The following KCNH7 variants were observed in gnomAD, a reference collection of about 807,000 sequenced individuals.
The protein encoded by KCNH7 is potassium voltage-gated channel subfamily H member 7.
In KCNH7, 49 loss-of-function variants were observed where a neutral mutation model predicts 120.8. The observed-to-expected ratio is 0.41, with a 90% CI of 0.32 to 0.51. The LOEUF is 0.51. Ranked by LOEUF, KCNH7 falls within the 20% of genes least tolerant of loss-of-function variation. The pLI, the probability that KCNH7 is intolerant of heterozygous loss-of-function variation, is 0.38. For missense variants in KCNH7, 1,097 were observed against 1,446.6 expected (o/e 0.76, Z 3.92); for synonymous variants, 547 against 516.1 (o/e 1.06, Z -0.81).
chr2:162,598,725 T>C (rs1454957641), intron 2 of KCNH7, among the ~76,000 whole-genome samples: 2 of 152,158 alleles, frequency 1.3e-5, no homozygotes, highest in African/African-American at 4.8e-5. Flanking sequence ...AAGTTCTTTC[T>C]AGCATTAAAG....
intron 2 of KCNH7, among the ~76,000 whole-genome samples, chr2:162,631,362 G>C (rs553434474): frequency 2.6e-5 from 4 of 152,026 alleles, no homozygotes; most frequent in South Asian, 4.1e-4. Context: ...TTTTTGATTA[G>C]AGCAGATCTC....
chr2:162,518,578 G>A (rs1382009832), intron 3 of KCNH7, among the ~76,000 whole-genome samples: 2 of 151,780 alleles, frequency 1.3e-5, no homozygotes, highest in African/African-American at 4.8e-5. Flanking sequence ...ACATGTATGG[G>A]TGATGGGGAG....
intron 12 of KCNH7, among the ~76,000 whole-genome samples, chr2:162,386,670 T>C (rs1448592498): frequency 1.3e-5 from 2 of 151,874 alleles, no homozygotes; most frequent in African/African-American, 2.4e-5. Context: ...GAATTAACCA[T>C]TAATTCATGT....
Position 162,643,317 on chromosome 2 carries a change from AAAAC to A in KCNH7, c.308-106241_308-106238del, listed in dbSNP as rs955305598. On this transcript the variant is annotated intron_variant, in intron 2 of 15. Coordinates refer to ENST00000332142, the MANE Select transcript of KCNH7 (RefSeq NM_033272.4). The stretch of plus-strand genomic sequence containing the variant: ...AGGAATTTATCAGAACCTATTTGCA[AAAAC>A]AAACAAACAAAAAAGCAAAAACAAA... Among the ~76,000 whole-genome samples, 305 of 152,226 alleles carry A rather than the reference AAAAC, an allele frequency of 2.0e-3. 3 individuals carry two copies. The highest frequency in any genetic ancestry group is 6.9e-3 in the African/African-American group (287 of 41,536).
intron 2 of KCNH7, among the ~76,000 whole-genome samples, chr2:162,652,750 T>C (rs973183825): frequency 1.3e-5 from 2 of 152,166 alleles, no homozygotes; most frequent in Admixed American, 6.5e-5. Context: ...TGTACAGTAA[T>C]AGTGCACTTT....
chr2:162,490,957 T>G (rs1032925273), intron 6 of KCNH7, among the ~76,000 whole-genome samples: 2 of 152,200 alleles, frequency 1.3e-5, no homozygotes, highest in African/African-American at 2.4e-5. Context: ...AGGTATGCAC[T>G]CCCTGCTCCA....
At position 162,578,184 on chromosome 2, in the gene KCNH7, G is replaced by A. The variant is rs150984487; in HGVS notation, c.308-41104C>T. On this transcript the variant is annotated intron_variant, in intron 2 of 15. Coordinates refer to ENST00000332142, the MANE Select transcript of KCNH7 (RefSeq NM_033272.4). ...TGTTTCTAATGTGAGAGAGACAGTGGGTCCTTCAACGCTAGCTGAGACAAT... is the reference window on the plus strand; with the variant it reads ...TGTTTCTAATGTGAGAGAGACAGTGAGTCCTTCAACGCTAGCTGAGACAAT... 7.7e-3 allele frequency among the ~76,000 whole-genome samples: 1,167 copies of A among 152,070 alleles called. 16 individuals are homozygous for A. The highest frequency in any genetic ancestry group is 0.027 in the African/African-American group (1,102 of 41,494).
intron 6 of KCNH7, among the ~76,000 whole-genome samples, chr2:162,478,110 A>G (rs1350611633): frequency 2.0e-5 from 3 of 152,228 alleles, no homozygotes; most frequent in Non-Finnish European, 4.4e-5. Context: ...GAAATGGGCT[A>G]GGTACAGTGG....
chr2:162,760,820 T>C (rs985553569), intron 2 of KCNH7, among the ~76,000 whole-genome samples: 1 of 152,088 alleles, frequency 6.6e-6, no homozygotes, highest in Admixed American at 6.6e-5. Context: ...TTAAATATGG[T>C]CTTTTGAACA....
chr2:162,373,170 A>G (rs1291029740), intron 15 of KCNH7, among the ~76,000 whole-genome samples: 3 of 152,140 alleles, frequency 2.0e-5, no homozygotes, highest in Non-Finnish European at 4.4e-5. Flanking sequence ...TCAAAGCTCT[A>G]CCACATGTAA....
chr2:162,751,779 T>A (rs1401609704), intron 2 of KCNH7, among the ~76,000 whole-genome samples: 1 of 151,710 alleles, frequency 6.6e-6, no homozygotes, highest in African/African-American at 2.4e-5. Flanking sequence ...CATTTTATAT[T>A]CTAACTAAAC....
chr2:162,668,736 AG>A (rs1685235643), intron 2 of KCNH7, among the ~76,000 whole-genome samples: 1 of 152,182 alleles, frequency 6.6e-6, no homozygotes, highest in African/African-American at 2.4e-5. Flanking sequence ...TAGGAAAAAA[AG>A]GATGGAATCT....
chr2:162,503,498 GA>G (rs1690760049), intron 6 of KCNH7, among the ~76,000 whole-genome samples: 1 of 151,822 alleles, frequency 6.6e-6, no homozygotes, highest in South Asian at 2.1e-4. Context: ...AATAAATATA[GA>G]CTGCACAGGT....
intron 2 of KCNH7, among the ~76,000 whole-genome samples, chr2:162,624,681 T>C (rs1223180877): frequency 6.6e-6 from 1 of 152,120 alleles, no homozygotes; most frequent in East Asian, 1.9e-4. Context: ...TGGGCTGCTA[T>C]CATATACATC....
chr2:162,426,311 C>G (rs956796256), intron 8 of KCNH7, among the ~76,000 whole-genome samples: 1 of 150,374 alleles, frequency 6.7e-6, no homozygotes, highest in East Asian at 2.0e-4. Flanking sequence ...TAATCTTTTT[C>G]CTATTTTTTA....
chr2:162,832,344 T>G (rs945636374), intron 2 of KCNH7, among the ~76,000 whole-genome samples: 5 of 152,158 alleles, frequency 3.3e-5, no homozygotes, highest in Non-Finnish European at 7.4e-5. Context: ...ATAAAGCTAT[T>G]ATGAAATTTT....
chr2:162,570,950 G>A (rs1401355230), intron 2 of KCNH7, among the ~76,000 whole-genome samples: 1 of 152,036 alleles, frequency 6.6e-6, no homozygotes, highest in Non-Finnish European at 1.5e-5. Flanking sequence ...TACTGAATGG[G>A]CAAAAACTGG....
At chr2:162,515,614 G>T (rs1691257739) in intron 4 of KCNH7, among the ~76,000 whole-genome samples, 1 of 151,656 alleles carries the variant, frequency 6.6e-6, no homozygotes, top group Non-Finnish European at 1.5e-5. Context: ...AACATATGCT[G>T]GTCATTTGAA....
chr2:162,742,768 A>G (rs534210050), intron 2 of KCNH7, among the ~76,000 whole-genome samples: 1 of 152,310 alleles, frequency 6.6e-6, no homozygotes, highest in Admixed American at 6.5e-5. Context: ...GTACTCTTGA[A>G]GTTTAGCAAA....
Sources: allele counts gnomAD v4.1 joint callset (sites outside exome capture counted in the v4.1 genomes callset), GRCh38; gene constraint gnomAD v4.1.1; transcripts MANE v1.5; gene names NCBI Gene and HGNC (gene_info 2026-07-23, HGNC 2026-07-21).